The following GRID2 variants were observed in gnomAD, a reference collection of about 807,000 sequenced individuals.
The protein encoded by GRID2 is glutamate ionotropic receptor delta type subunit 2, also known as glutamate receptor ionotropic, delta-2.
In GRID2, 33 loss-of-function variants were observed where a neutral mutation model predicts 114.8. The ratio of observed to expected loss-of-function variants is 0.29; its 90% CI spans 0.22 to 0.38. The LOEUF (loss-of-function observed/expected upper bound fraction) is 0.38. Among genes scored for constraint, GRID2 ranks in the 10% least tolerant of loss-of-function variants. GRID2 has a pLI of 1.00. For synonymous variants in GRID2, 505 were observed against 449.9 expected (o/e 1.12, Z -1.55); for missense variants, 1,184 against 1,257.7 (o/e 0.94, Z 0.89).
At chr4:93,231,390 C>CAAAAAAAAAA in intron 7 of GRID2, among the ~76,000 whole-genome samples, 1 of 104,510 alleles carries the variant, frequency 9.6e-6, no homozygotes, top group Non-Finnish European at 1.9e-5. Flanking sequence ...CACCCCCTGC[C>CAAAAAAAAAA]AAAAAAAAAA....
At chr4:93,582,627 T>C (rs1737092108) in intron 13 of GRID2, among the ~76,000 whole-genome samples, 6 of 152,200 alleles carry the variant, frequency 3.9e-5, no homozygotes, top group Admixed American at 3.9e-4. Context: ...AAAATAAATA[T>C]AATTTCTGAC....
intron 4 of GRID2, among the ~76,000 whole-genome samples, chr4:93,178,072 G>GA (rs34280329): frequency 0.12 from 16,722 of 140,702 alleles, 1,044 homozygotes; most frequent in East Asian, 0.23. Context: ...TACTCAACTT[G>GA]AAAAAAAAAA....
chr4:93,204,431 A>G (rs1366320877), intron 4 of GRID2, among the ~76,000 whole-genome samples: 2 of 152,164 alleles, frequency 1.3e-5, no homozygotes, highest in African/African-American at 4.8e-5. Flanking sequence ...ATCTGTAGTA[A>G]TGTGCTAATG....
At chr4:93,335,125 G>C (rs1758913296) in intron 8 of GRID2, among the ~76,000 whole-genome samples, 1 of 152,058 alleles carries the variant, frequency 6.6e-6, no homozygotes, top group African/African-American at 2.4e-5. Context: ...TCATTCACTA[G>C]ATTTAACTGT....
intron 8 of GRID2, among the ~76,000 whole-genome samples, chr4:93,395,394 C>T (rs980474556): frequency 2.6e-5 from 4 of 151,992 alleles, no homozygotes; most frequent in Non-Finnish European, 5.9e-5. Flanking sequence ...TCCTAAAGCA[C>T]ATTGGGTACT....
rs1326544398 is a variant in GRID2, at chr4:93,423,345, T to C, written c.1545+377T>C. Reference sequence around the variant, plus strand: ...ACTATTTTTTTTCTTTCTTTTTTTTTTTTTTTTTTTTTTTTTTTTTGAGAC... The same window carrying C: ...ACTATTTTTTTTCTTTCTTTTTTTTCTTTTTTTTTTTTTTTTTTTTGAGAC... On this transcript the variant is annotated intron_variant, in intron 10 of 15. Transcript: ENST00000282020. Among the ~76,000 whole-genome samples the C allele has an allele frequency of 1.1e-4, 13 of 115,436 alleles. No individual in the cohort carries two copies. The East Asian group carries it at 1.8e-3, about 16-fold the overall frequency. 75.7% of individuals were successfully genotyped at this position (115,436 alleles called of 152,430 possible).
chr4:93,421,081 T>C (rs1768231284), intron 9 of GRID2, among the ~76,000 whole-genome samples: 1 of 152,172 alleles, frequency 6.6e-6, no homozygotes, highest in East Asian at 1.9e-4. Flanking sequence ...CCAAGTGTTG[T>C]ACAGCATTTT....
intron 8 of GRID2, among the ~76,000 whole-genome samples, chr4:93,246,536 G>A (rs1453188215): frequency 7.3e-5 from 11 of 150,056 alleles, no homozygotes; most frequent in East Asian, 2.0e-4. Context: ...GCAGTGAGCC[G>A]AGATTGGGCC....
intron 1 of GRID2, among the ~76,000 whole-genome samples, chr4:92,327,639 A>T (rs1241436041): frequency 1.3e-5 from 2 of 151,988 alleles, no homozygotes; most frequent in Non-Finnish European, 2.9e-5. Context: ...TTATTATGAA[A>T]AAAAGATTAA....
At chr4:92,592,404 A>T (rs1451837557) in intron 2 of GRID2, among the ~76,000 whole-genome samples, 6 of 152,182 alleles carry the variant, frequency 3.9e-5, no homozygotes, top group Non-Finnish European at 8.8e-5. Context: ...AATTAAGAAG[A>T]AAAAGTCCCT....
At chr4:92,408,158 A>C (rs1731112650) in intron 1 of GRID2, among the ~76,000 whole-genome samples, 1 of 152,162 alleles carries the variant, frequency 6.6e-6, no homozygotes, top group African/African-American at 2.4e-5. Flanking sequence ...CAATGGCTGC[A>C]TATGGCTAGC....
intron 1 of GRID2, among the ~76,000 whole-genome samples, chr4:92,369,576 A>G (rs1729024328): frequency 1.3e-5 from 2 of 152,154 alleles, no homozygotes; most frequent in Non-Finnish European, 1.5e-5. Context: ...GTTCAGAAAA[A>G]TCCTTGCATA....
intron 2 of GRID2, among the ~76,000 whole-genome samples, chr4:93,041,967 G>A (rs111981070): frequency 0.17 from 26,398 of 151,886 alleles, 2,895 homozygotes; most frequent in Middle Eastern, 0.34. Flanking sequence ...CAATGGCGTG[G>A]TCTCGACTCA....
intron 9 of GRID2, among the ~76,000 whole-genome samples, chr4:93,420,810 A>G (rs1435335065): frequency 1.3e-5 from 2 of 151,118 alleles, no homozygotes; most frequent in Non-Finnish European, 2.9e-5. Flanking sequence ...CTGGAGTGCA[A>G]TGGTGTGATC....
intron 1 of GRID2, among the ~76,000 whole-genome samples, chr4:92,533,948 T>C (rs1253533261): frequency 1.3e-5 from 2 of 151,950 alleles, no homozygotes; most frequent in African/African-American, 4.8e-5. Flanking sequence ...AAAAAGGAAA[T>C]TTAAATTTTA....
At chr4:92,347,952 G>A (rs1727860316) in intron 1 of GRID2, among the ~76,000 whole-genome samples, 1 of 152,066 alleles carries the variant, frequency 6.6e-6, no homozygotes, top group Non-Finnish European at 1.5e-5. Context: ...AGTAATAGTA[G>A]CAGACTTTAA....
At chr4:93,393,769 C>A (rs1245468839) in intron 8 of GRID2, among the ~76,000 whole-genome samples, 1 of 151,892 alleles carries the variant, frequency 6.6e-6, no homozygotes, top group Non-Finnish European at 1.5e-5. Flanking sequence ...ACTCAATACA[C>A]CAAAATGGTA....
chr4:92,663,116 C>T (rs1732598667), intron 2 of GRID2, among the ~76,000 whole-genome samples: 1 of 150,934 alleles, frequency 6.6e-6, no homozygotes, highest in African/African-American at 2.4e-5. Flanking sequence ...ATATAAAAAG[C>T]CAAACTGCTC....
intron 4 of GRID2, among the ~76,000 whole-genome samples, chr4:93,158,459 G>C (rs1397043833): frequency 6.6e-6 from 1 of 151,624 alleles, no homozygotes; most frequent in East Asian, 1.9e-4. Context: ...AAAGGAGAAG[G>C]TTGAATCAAT....
Sources: allele counts gnomAD v4.1 joint callset (sites outside exome capture counted in the v4.1 genomes callset), GRCh38; gene constraint gnomAD v4.1.1; transcripts MANE v1.5; gene names NCBI Gene and HGNC (gene_info 2026-07-23, HGNC 2026-07-21).